Variants in GALNTL6 observed in about 807,000 individuals in gnomAD.
GALNTL6 encodes polypeptide N-acetylgalactosaminyltransferase-like 6.
In GALNTL6, 46 loss-of-function variants were observed where a neutral mutation model predicts 73.7. The observed-to-expected ratio is 0.62, with a 90% CI of 0.49 to 0.80. The LOEUF (loss-of-function observed/expected upper bound fraction) is 0.80. Ranked by LOEUF, GALNTL6 falls within the 30% of genes least tolerant of loss-of-function variation. The pLI is 0.00. For synonymous variants in GALNTL6, 259 were observed against 263.7 expected, an observed-to-expected ratio of 0.98 and a Z score of 0.17; for missense variants, 604 against 755.0, an observed-to-expected ratio of 0.80 and a Z score of 2.34.
chr4:172,418,140 A>G lies in GALNTL6; in HGVS notation c.553+69451A>G, dbSNP rs191015024. On this transcript the variant is annotated intron_variant, in intron 5 of 12. Transcript: ENST00000506823. ...CCATAGCAAAGTTTTCACTATGCCAAATTGGGGTAGGTGATGTATTTCATT... is the reference window on the plus strand; with the variant it reads ...CCATAGCAAAGTTTTCACTATGCCAGATTGGGGTAGGTGATGTATTTCATT... Among the ~76,000 whole-genome samples the G allele has an allele frequency of 6.9e-4, 105 of 152,272 alleles. 3 individuals carry two copies. The East Asian group carries it at 0.017, about 25-fold the overall frequency.
chr4:172,886,067 T>C (rs909737591), intron 8 of GALNTL6, among the ~76,000 whole-genome samples: 2 of 152,208 alleles, frequency 1.3e-5, no homozygotes, highest in Non-Finnish European at 2.9e-5. Flanking sequence ...TAGAATGAGT[T>C]TGGAAGAATT....
chr4:172,038,774 G>T (rs1267301692), intron 2 of GALNTL6, among the ~76,000 whole-genome samples: 1 of 152,114 alleles, frequency 6.6e-6, no homozygotes, highest in Non-Finnish European at 1.5e-5. Context: ...ATGGATAAGT[G>T]AAAGAGAGTT....
chr4:172,885,302 T>C (rs146162141), intron 8 of GALNTL6, among the ~76,000 whole-genome samples: 2 of 152,302 alleles, frequency 1.3e-5, no homozygotes, highest in African/African-American at 2.4e-5. Context: ...TCTTTCATCA[T>C]TGATTTGTAC....
At chr4:172,343,247 C>T (rs1296902004) in intron 4 of GALNTL6, among the ~76,000 whole-genome samples, 1 of 152,104 alleles carries the variant, frequency 6.6e-6, no homozygotes, top group African/African-American at 2.4e-5. Flanking sequence ...GCTGCAATCC[C>T]AGAGTTAGAA....
intron 5 of GALNTL6, among the ~76,000 whole-genome samples, chr4:172,487,295 C>CTTCTTTCCTTCTTTCCTTCT (rs1554029530): frequency 3.7e-5 from 3 of 81,518 alleles, no homozygotes; most frequent in Non-Finnish European, 7.5e-5. Context: ...TCCTTCTTTC[C>CTTCTTTCCTTCTTTCCTTCT]TTCTGTCTTT....
intron 2 of GALNTL6, among the ~76,000 whole-genome samples, chr4:172,150,010 CAG>C (rs1350440976): frequency 6.6e-6 from 1 of 152,124 alleles, no homozygotes; most frequent in East Asian, 1.9e-4. Flanking sequence ...TTTCTTATGC[CAG>C]AGTCTTTTCT....
At chr4:172,967,643 C>CAG (rs59118934) in intron 10 of GALNTL6, among the ~76,000 whole-genome samples, 29,057 of 151,124 alleles carry the variant, frequency 0.19, 3,321 homozygotes, top group African/African-American at 0.32. Flanking sequence ...TATTTTGGAA[C>CAG]AGAGAGAGAG....
chr4:171,985,270 G>T (rs1397925006), intron 2 of GALNTL6, among the ~76,000 whole-genome samples: 1 of 152,136 alleles, frequency 6.6e-6, no homozygotes, highest in African/African-American at 2.4e-5. Context: ...GAAGGTAAAA[G>T]ACACGTCTCA....
intron 5 of GALNTL6, among the ~76,000 whole-genome samples, chr4:172,358,884 A>G (rs1451401215): frequency 3.1e-5 from 3 of 97,058 alleles, no homozygotes; most frequent in Non-Finnish European, 6.2e-5. Flanking sequence ...AAAAAAAAAC[A>G]GAGGCTGGTG....
intron 2 of GALNTL6, among the ~76,000 whole-genome samples, chr4:171,944,070 A>G (rs548725803): frequency 6.6e-6 from 1 of 152,194 alleles, no homozygotes; most frequent in Non-Finnish European, 1.5e-5. Flanking sequence ...TGTGTAATTT[A>G]CATACAATGA....
At chr4:172,534,267 T>C (rs1034244537) in intron 5 of GALNTL6, among the ~76,000 whole-genome samples, 1 of 152,196 alleles carries the variant, frequency 6.6e-6, no homozygotes. Context: ...CTCCTGCTTA[T>C]AGAAAGAGTG....
intron 2 of GALNTL6, among the ~76,000 whole-genome samples, chr4:171,823,580 T>C (rs939190810): frequency 5.1e-5 from 4 of 78,196 alleles, no homozygotes; most frequent in South Asian, 3.5e-4. Flanking sequence ...TATATATATA[T>C]ACACACACAC....
In GALNTL6 at chr4:172,827,687, A is replaced by G. The variant is rs368561557; in HGVS notation, c.923+13964A>G. ...ATGAAAGCTCTGTTTCTTCGATACTATGTTATTTTGAAAGCCAAGCTGAGC... is the reference window on the plus strand; with the variant it reads ...ATGAAAGCTCTGTTTCTTCGATACTGTGTTATTTTGAAAGCCAAGCTGAGC... On this transcript the variant is annotated intron_variant, in intron 7 of 12. Coordinates refer to ENST00000506823, the MANE Select transcript of GALNTL6 (RefSeq NM_001034845.3). Among the ~76,000 whole-genome samples, 4 of 152,000 alleles carry G rather than the reference A, an allele frequency of 2.6e-5. No individual in the cohort carries two copies. In the South Asian group the frequency reaches 6.3e-4, roughly 24 times the overall value.
rs948005093 is a variant in GALNTL6, at chr4:172,279,180, C to T, written c.248-32434C>T. 3.3e-5 allele frequency among the ~76,000 whole-genome samples: 5 copies of T among 151,980 alleles called. No individual in the cohort carries two copies. In the East Asian group the frequency reaches 9.6e-4, roughly 29 times the overall value. On this transcript the variant is annotated intron_variant, in intron 3 of 12. Coordinates refer to ENST00000506823, the MANE Select transcript of GALNTL6 (RefSeq NM_001034845.3). Reference sequence around the variant, plus strand: ...TTGCAGCAATTTCTTGAATATGACACCAAAAGCACAGGCAACAAAAGAAAA... The same window carrying T: ...TTGCAGCAATTTCTTGAATATGACATCAAAAGCACAGGCAACAAAAGAAAA...
intron 3 of GALNTL6, among the ~76,000 whole-genome samples, chr4:172,299,490 C>G (rs1182146857): frequency 2.0e-5 from 3 of 152,164 alleles, no homozygotes; most frequent in South Asian, 2.1e-4. Context: ...TTCCTGCTTT[C>G]TCTTGTGGGC....
chr4:172,432,752 AAAC>A (rs1487475090), intron 5 of GALNTL6, among the ~76,000 whole-genome samples: 2 of 152,068 alleles, frequency 1.3e-5, no homozygotes, highest in African/African-American at 4.8e-5. Context: ...GGTCACAAAA[AAAC>A]CTTGACAAGT....
chr4:171,976,140 C>G (rs1345677680), intron 2 of GALNTL6, among the ~76,000 whole-genome samples: 1 of 152,184 alleles, frequency 6.6e-6, no homozygotes, highest in Non-Finnish European at 1.5e-5. Context: ...CCAGGCTGGT[C>G]TTGAACTCCT....
At chr4:172,359,272 A>G (rs1742281950) in intron 5 of GALNTL6, among the ~76,000 whole-genome samples, 1 of 152,192 alleles carries the variant, frequency 6.6e-6, no homozygotes, top group Non-Finnish European at 1.5e-5. Context: ...TTGGCAGACT[A>G]ACATAGGAAT....
intron 10 of GALNTL6, among the ~76,000 whole-genome samples, chr4:172,973,297 T>C (rs1750663989): frequency 6.6e-6 from 1 of 152,204 alleles, no homozygotes; most frequent in African/African-American, 2.4e-5. Flanking sequence ...TGAAAGCATT[T>C]TAGACAAGCC....
Sources: gnomAD v4.1 joint callset for allele counts (sites outside exome capture counted in the v4.1 genomes callset) on GRCh38, gnomAD v4.1.1 for gene constraint, MANE v1.5 for transcripts, NCBI Gene and HGNC (gene_info 2026-07-23, HGNC 2026-07-21) for gene names.